LIMS2: variants seen among roughly 807,000 people sequenced by gnomAD.
The protein encoded by LIMS2 is LIM zinc finger domain containing 2, also known as LIM and senescent cell antigen-like-containing domain protein 2.
Under a neutral mutation model 45.3 loss-of-function variants are expected in LIMS2, and 30 were observed. The observed-to-expected ratio is 0.66, with a 90% CI of 0.50 to 0.90. The LOEUF is 0.90. Ranked by LOEUF, LIMS2 falls within the 40% of genes least tolerant of loss-of-function variation. The pLI, the probability that LIMS2 is intolerant of heterozygous loss-of-function variation, is 0.00. For synonymous variants in LIMS2, 173 were observed against 188.0 expected, an observed-to-expected ratio of 0.92 and a Z score of 0.65; for missense variants, 485 against 468.7, an observed-to-expected ratio of 1.03 and a Z score of -0.32.
rs200793411 is a variant in LIMS2, at chr2:127,654,481, C to T, written c.302G>A (p.Arg101His). ...CAGCTCCACATCACACAGCTCGCAGCGGAAGCAGCCCGGGTGCCAGTTGTT... is the reference window on the plus strand; with the variant it reads ...CAGCTCCACATCACACAGCTCGCAGTGGAAGCAGCCCGGGTGCCAGTTGTT... ...MNNNWHPGCF[R>H]CELCDVELAD... is the part of the protein sequence containing the mutation. Residue 101 changes from arginine (R) to histidine (H), a missense_variant, in exon 4 of 10, where the codon CGC becomes CAC. Arg to His is a conservative substitution (Grantham distance 29). Transcript: ENST00000355119. 19 of 1,613,998 alleles carry T rather than the reference C, an allele frequency of 1.2e-5. No individual in the cohort carries two copies. Among genetic ancestry groups the T allele is most frequent in the Admixed American group, 3.3e-5 (2 of 60,004 alleles).
At chr2:127,649,965 A>G (rs1479098220) in intron 4 of LIMS2, 4 of 1,503,174 alleles carry the variant, frequency 2.7e-6, no homozygotes, top group Admixed American at 3.5e-5. Context: ...CTGGCCTGAT[A>G]CCCAGGCACA....
intron 6 of LIMS2, chr2:127,641,364 C>A: frequency 4.4e-6 from 1 of 227,432 alleles, no homozygotes; most frequent in Non-Finnish European, 9.0e-6. Flanking sequence ...CCCTCATAGG[C>A]AGAGGCGGCC....
rs930021773 is a variant in LIMS2, at chr2:127,654,334, C to G, written c.359+90G>C. 3.0e-5 allele frequency: 48 copies of G among 1,579,700 alleles called. 2 individuals are homozygous for G. In the South Asian group the frequency reaches 5.3e-4, roughly 17 times the overall value. On this transcript the variant is annotated intron_variant, in intron 4 of 9. Transcript: ENST00000355119. ...TGCAGCACCGGGACCCTTCTGCGCCCTCAGCAAGTGGGTAGCACACAGGAG... is the reference window on the plus strand; with the variant it reads ...TGCAGCACCGGGACCCTTCTGCGCCGTCAGCAAGTGGGTAGCACACAGGAG...
chr2:127,655,342 C>T (rs929048138), intron 2 of LIMS2: 53 of 202,402 alleles, frequency 2.6e-4, no homozygotes, highest in Non-Finnish European at 3.3e-4. Context: ...AGGAAGGGAA[C>T]GCAGGAAGGG....
chr2:127,649,209 A>AAGGG (rs1683427415), intron 4 of LIMS2, among the ~76,000 whole-genome samples: 1 of 147,364 alleles, frequency 6.8e-6, no homozygotes, highest in African/African-American at 2.5e-5. Context: ...GGAAGGAAGG[A>AAGGG]AGGGCAGGGA....
intron 4 of LIMS2, chr2:127,650,957 C>G: frequency 6.2e-7 from 1 of 1,613,910 alleles, no homozygotes. Flanking sequence ...TGCATCTGGC[C>G]GTGGCCGACT....
intron 2 of LIMS2, 135 bp from the exon 3 acceptor site, chr2:127,655,031 C>A: frequency 2.5e-6 from 2 of 808,078 alleles, no homozygotes; most frequent in East Asian, 2.7e-5. Flanking sequence ...GAGGCTGGAG[C>A]AGTGGGTCCC....
At chr2:127,644,373 G>A (rs1450330506) in intron 4 of LIMS2, among the ~76,000 whole-genome samples, 11 of 152,314 alleles carry the variant, frequency 7.2e-5, no homozygotes, top group East Asian at 5.8e-4. Flanking sequence ...ACACCCCAGC[G>A]ACGGGAAGCA....
upstream of LIMS2, among the ~76,000 whole-genome samples, chr2:127,677,373 C>T (rs1184160976): frequency 6.6e-6 from 1 of 152,002 alleles, no homozygotes; most frequent in Non-Finnish European, 1.5e-5. The surrounding 1 kb of genome is among the most constrained non-coding windows in gnomAD (Gnocchi z 5.0). Context: ...AGGGTAAGTG[C>T]TGCAAAGAAA....
rs763609416 is a variant in LIMS2, at chr2:127,654,824, C to T, written c.238+6G>A. 5.0e-6 allele frequency: 8 copies of T among 1,614,070 alleles called. No individual in the cohort carries two copies. The highest frequency in any genetic ancestry group is 6.8e-6 in the Non-Finnish European group (8 of 1,179,972). Reference sequence around the variant, plus strand: ...AGCCCAGGATGTGTACTGTCACCGGCCTTACCGCAGGATCCACAGCACGGA... The same window carrying T: ...AGCCCAGGATGTGTACTGTCACCGGTCTTACCGCAGGATCCACAGCACGGA... On this transcript the variant is annotated splice_donor_region_variant and intron_variant, in intron 3 of 9. Transcript: ENST00000355119.
At chr2:127,658,966 C>T (rs1038619238) in intron 1 of LIMS2, among the ~76,000 whole-genome samples, 2 of 152,162 alleles carry the variant, frequency 1.3e-5, no homozygotes, top group African/African-American at 4.8e-5. Flanking sequence ...AGGCTCCTGT[C>T]GGGCTGTTCT....
Position 127,672,085 on chromosome 2 carries a change from C to A in LIMS2, c.11+2929G>T, listed in dbSNP as rs1430285917. ...ATACGACAGCCTCACATGTGACACA[C>A]ATGACGGTCACACCATGGGTGGGAC... On this transcript the variant is annotated intron_variant, in intron 1 of 9. Transcript: ENST00000355119. This position sits in a 1 kb window ranked among gnomAD's most constrained non-coding sequence, Gnocchi z 4.9. Among the ~76,000 whole-genome samples, 2 of 152,222 alleles carry A rather than the reference C, an allele frequency of 1.3e-5. No individual in the cohort carries two copies. Among genetic ancestry groups the A allele is most frequent in the Non-Finnish European group, 2.9e-5 (2 of 68,034 alleles).
At chr2:127,668,698 A>ACC (rs540741186) in intron 1 of LIMS2, among the ~76,000 whole-genome samples, 3,164 of 77,784 alleles carry the variant, frequency 0.041, 269 homozygotes, top group South Asian at 0.075. Context: ...AAAAAAAAAA[A>ACC]AAAAAAAAAA....
At chr2:127,670,142 C>A (rs1685211945) in intron 1 of LIMS2, among the ~76,000 whole-genome samples, 1 of 152,128 alleles carries the variant, frequency 6.6e-6, no homozygotes, top group African/African-American at 2.4e-5. Context: ...GGTATATATT[C>A]AAGGAGAAAA....
intron 2 of LIMS2, chr2:127,655,443 CCT>C (rs1362080276): frequency 1.2e-5 from 2 of 162,092 alleles, no homozygotes; most frequent in Admixed American, 1.1e-4. Flanking sequence ...AGCGAGGGCC[CCT>C]GTGCTGGCCA....
At chr2:127,661,447 C>A (rs1684652535) in intron 1 of LIMS2, among the ~76,000 whole-genome samples, 1 of 152,254 alleles carries the variant, frequency 6.6e-6, no homozygotes, top group African/African-American at 2.4e-5. Flanking sequence ...GGAAGGCCTG[C>A]AGGCTGCCTG....
chr2:127,638,470 AAAC>A lies in LIMS2; in HGVS notation c.*808_*810del, dbSNP rs1308880549. On this transcript the variant is annotated 3_prime_UTR_variant, in exon 10 of 10. Coordinates refer to ENST00000355119, the MANE Select transcript of LIMS2 (RefSeq NM_001161403.3). ...TTGTGCAAGCGTGAGCCCAACAAAC[AAAC>A]ACCAGGTCTGCGCTGGCCGAAGACG... 1 of 152,220 alleles carries A rather than the reference AAAC, an allele frequency of 6.6e-6. No homozygotes were observed. Among genetic ancestry groups the A allele is most frequent in the East Asian group, 1.9e-4 (1 of 5,184 alleles). 9.4% of individuals were successfully genotyped at this position (152,220 alleles called of 1,614,324 possible).
intron 1 of LIMS2, among the ~76,000 whole-genome samples, chr2:127,680,868 A>G (rs1685597918): frequency 6.6e-6 from 1 of 152,086 alleles, no homozygotes; most frequent in Non-Finnish European, 1.5e-5. Context: ...CAGGAATGCC[A>G]CATTTTAACA....
chr2:127,645,369 G>C (rs1335730043), intron 4 of LIMS2, among the ~76,000 whole-genome samples: 1 of 152,230 alleles, frequency 6.6e-6, no homozygotes, highest in Admixed American at 6.5e-5. Flanking sequence ...GTTGCTGGAT[G>C]TATCATTTTC....
Sources: gnomAD v4.1 joint callset for allele counts (sites outside exome capture counted in the v4.1 genomes callset) on GRCh38, gnomAD v4.1.1 for gene constraint, Gnocchi (gnomAD v3.1) non-coding constraint, MANE v1.5 for transcripts, NCBI Gene and HGNC (gene_info 2026-07-23, HGNC 2026-07-21) for gene names.